Variants in CHST13 observed in about 807,000 individuals in gnomAD.
CHST13 encodes the protein carbohydrate sulfotransferase 13.
Under a neutral mutation model 7.0 loss-of-function variants are expected in CHST13, and 1 was observed. That is an observed-to-expected ratio of 0.14 (90% CI 0.05 to 0.68). The LOEUF is 0.68. Among genes scored for constraint, CHST13 ranks in the 30% least tolerant of loss-of-function variants. CHST13 has a pLI of 0.82. For synonymous variants in CHST13, 257 were observed against 240.9 expected (o/e 1.07, Z -0.62); for missense variants, 572 against 507.9 (o/e 1.13, Z -1.21).
In CHST13 at chr3:126,524,435, T is replaced by C. The variant is rs1576742190; in HGVS notation, c.97+6T>C. On this transcript the variant is annotated splice_donor_region_variant and intron_variant, in intron 1 of 2. Coordinates refer to ENST00000319340, the MANE Select transcript of CHST13 (RefSeq NM_152889.3). ...GCCCCGCTCCCTGCGCCCGGGTGAG[T>C]GCCCGCCGGCCGAGCCGCGCACCCC... 1.9e-6 allele frequency: 2 copies of C among 1,078,542 alleles called. No individual in the cohort carries two copies. The highest frequency in any genetic ancestry group is 6.6e-5 in the East Asian group (2 of 30,320). 66.8% of individuals were successfully genotyped at this position (1,078,542 alleles called of 1,614,324 possible).
chr3:126,539,617 C>T (rs1311540526), intron 2 of CHST13, among the ~76,000 whole-genome samples: 14 of 142,480 alleles, frequency 9.8e-5, no homozygotes, highest in African/African-American at 2.6e-4. Flanking sequence ...CCACACCACA[C>T]ACACAGCACA....
chr3:126,534,474 C>A (rs1333460206), intron 1 of CHST13, among the ~76,000 whole-genome samples: 1 of 151,202 alleles, frequency 6.6e-6, no homozygotes, highest in Admixed American at 6.6e-5. Context: ...AGGAGACAGA[C>A]AGACAGCATC....
chr3:126,540,218 T>C (rs924875393), intron 2 of CHST13, among the ~76,000 whole-genome samples: 3 of 152,180 alleles, frequency 2.0e-5, no homozygotes, highest in African/African-American at 7.2e-5. Flanking sequence ...AAGCCTTTTT[T>C]CTTAACTGAG....
intron 1 of CHST13, chr3:126,529,387 A>AG (rs1936603011): frequency 1.6e-6 from 2 of 1,289,130 alleles, no homozygotes; most frequent in Non-Finnish European, 2.0e-6. Flanking sequence ...GGATGCCGCA[A>AG]GGGGGGACAG....
rs977058216 is a variant in CHST13 at position 126,540,019 on chromosome 3, C to A, written c.181-1714C>A. On this transcript the variant is annotated intron_variant, in intron 2 of 2. Transcript: ENST00000319340. ...CACACACAAATGCCACACACGCATG[C>A]CACACACACGCACACCACACACCAC... Among the ~76,000 whole-genome samples the A allele has an allele frequency of 4.4e-5, 6 of 137,812 alleles. No individual in the cohort carries two copies. In the South Asian group the frequency reaches 9.5e-4, roughly 22 times the overall value. The allele number at this position is 137,812 out of a possible 152,430, so 90.4% of individuals were successfully genotyped here. A position where few individuals can be genotyped will look rare whatever the true frequency, so the allele number is the denominator to read the frequency against.
Position 126,524,363 on chromosome 3 carries a change from C to T in CHST13, c.31C>T (p.Leu11=). The part of the protein sequence containing the change: MGRRCCRRRV[L]AAACLGAALL... Reference sequence around the variant, plus strand: ...GAGGCGCTGCTGCCGGCGGCGCGTGCTGGCGGCCGCCTGTCTGGGCGCCGC... The same window carrying T: ...GAGGCGCTGCTGCCGGCGGCGCGTGTTGGCGGCCGCCTGTCTGGGCGCCGC... Residue 11 remains leucine, a synonymous_variant, in exon 1 of 3, where the codon CTG becomes TTG. Coordinates refer to ENST00000319340, the MANE Select transcript of CHST13 (RefSeq NM_152889.3). The T allele has an allele frequency of 8.1e-7, 1 of 1,236,104 alleles. No homozygotes were observed. The highest frequency in any genetic ancestry group is 1.0e-6 in the Non-Finnish European group (1 of 990,014). 76.6% of individuals were successfully genotyped at this position (1,236,104 alleles called of 1,614,324 possible).
chr3:126,539,473 GCACA>G (rs761229262), intron 2 of CHST13, among the ~76,000 whole-genome samples: 2 of 140,390 alleles, frequency 1.4e-5, no homozygotes, highest in African/African-American at 2.6e-5. Context: ...CACACACACT[GCACA>G]CACACACACA....
At chr3:126,524,457 C>T in intron 1 of CHST13, 28 bp downstream of exon 1, 1 of 883,944 alleles carries the variant, frequency 1.1e-6, no homozygotes, top group Non-Finnish European at 1.5e-6. Context: ...GAGCCGCGCA[C>T]CCCCAACCAA....
intron 1 of CHST13, among the ~76,000 whole-genome samples, chr3:126,534,970 C>CAGA (rs1374932960): frequency 1.7e-5 from 2 of 118,314 alleles, no homozygotes; most frequent in Admixed American, 8.7e-5. Flanking sequence ...CGGAGACAGA[C>CAGA]CAGCATCCCT....
intron 1 of CHST13, 75 bp downstream of exon 1, chr3:126,524,504 C>A (rs1936498672): frequency 2.1e-6 from 1 of 472,290 alleles, no homozygotes; most frequent in Non-Finnish European, 3.4e-6. Flanking sequence ...GGCCTGACCC[C>A]TCGACAGCGC....
chr3:126,535,668 GA>G, intron 1 of CHST13, among the ~76,000 whole-genome samples: 1 of 152,362 alleles, frequency 6.6e-6, no homozygotes, highest in East Asian at 1.9e-4. Context: ...GCTGGAGACA[GA>G]CAGACAGCAT....
chr3:126,541,863 C>T lies in CHST13; in HGVS notation c.311C>T (p.Ala104Val). 1 of 1,593,078 alleles carries T rather than the reference C, an allele frequency of 6.3e-7. No homozygotes were observed. Among genetic ancestry groups the T allele is most frequent in the Non-Finnish European group, 8.5e-7 (1 of 1,170,378 alleles). Residue 104 changes from alanine (A) to valine (V), a missense_variant, in exon 3 of 3, where the codon GCG becomes GTG. By Grantham distance (64) the Ala-to-Val change is moderately conservative. Transcript: ENST00000319340. ...CTGCGGCACGTGCTGGTGGACGACG[C>T]GCATGGCCTGCTCTACTGCTACGTG... Reference protein sequence around the residue: ...EDLRHVLVDDAHGLLYCYVPK... With the variant: ...EDLRHVLVDDVHGLLYCYVPK...
At chr3:126,531,219 G>C (rs1342059896) in intron 1 of CHST13, among the ~76,000 whole-genome samples, 1 of 152,242 alleles carries the variant, frequency 6.6e-6, no homozygotes, top group South Asian at 2.1e-4. Flanking sequence ...CAACCTACTG[G>C]ACCAGAAACT....
At chr3:126,536,227 G>A (rs370113692) in intron 1 of CHST13, 44 bp from the exon 2 acceptor site, 7 of 1,566,120 alleles carry the variant, frequency 4.5e-6, no homozygotes, top group South Asian at 2.2e-5. Context: ...GTCCATGCAA[G>A]TCCCTCTGAT....
chr3:126,536,882 C>T (rs1011083120), intron 2 of CHST13, among the ~76,000 whole-genome samples: 1 of 125,084 alleles, frequency 8.0e-6, no homozygotes, highest in Non-Finnish European at 1.6e-5. Context: ...CTCTCTTTCT[C>T]ACACACACAC....
At chr3:126,529,673 C>T (rs9871756) in intron 1 of CHST13, among the ~76,000 whole-genome samples, 6,827 of 152,216 alleles carry the variant, frequency 0.045, 231 homozygotes, top group African/African-American at 0.095. Flanking sequence ...TCTCTTCCTT[C>T]TCTTTCTCCC....
rs1936984856 is a variant in CHST13 at position 126,542,421 on chromosome 3, G to GGCCGCCGCGGCCCCGGGGA, written c.878_896dup (p.Ser300AlafsTer122). On this transcript the variant is annotated frameshift_variant, in exon 3 of 3. Coordinates refer to ENST00000319340, the MANE Select transcript of CHST13 (RefSeq NM_152889.3). LOFTEE classifies it low-confidence loss of function (END_TRUNC). ...GGCGCATCCGACCTGAGCTTCCCTG[G>GGCCGCCGCGGCCCCGGGGA]GCCGCCGCGGCCCCGGGGAGCCGCC... 1 of 1,550,666 alleles carries GGCCGCCGCGGCCCCGGGGA rather than the reference G, an allele frequency of 6.4e-7. No homozygotes were observed. Among genetic ancestry groups the GGCCGCCGCGGCCCCGGGGA allele is most frequent in the African/African-American group, 1.4e-5 (1 of 71,168 alleles).
Position 126,524,399 on chromosome 3 carries a change from C to T in CHST13, c.67C>T (p.Leu23=). 8.2e-7 allele frequency: 1 copy of T among 1,216,040 alleles called. No homozygotes were observed. The highest frequency in any genetic ancestry group is 1.0e-6 in the Non-Finnish European group (1 of 973,378). The allele number at this position is 1,216,040 out of a possible 1,614,324, so 75.3% of individuals were successfully genotyped here. A position where few individuals can be genotyped will look rare whatever the true frequency, so the allele number is the denominator to read the frequency against. The part of the protein sequence containing the change: ...AACLGAALLL[L]CAAPRSLRPA... ...CTGTCTGGGCGCCGCGCTCCTGCTC[C>T]TATGCGCCGCGCCCCGCTCCCTGCG... Residue 23 remains leucine (L), a synonymous_variant, in exon 1 of 3, where the codon CTA becomes TTA. Coordinates refer to ENST00000319340, the MANE Select transcript of CHST13 (RefSeq NM_152889.3).
intron 1 of CHST13, among the ~76,000 whole-genome samples, chr3:126,531,208 C>T (rs995948113): frequency 6.6e-6 from 1 of 152,232 alleles, no homozygotes; most frequent in African/African-American, 2.4e-5. Context: ...GCCCCACCCC[C>T]CAACCTACTG....
Sources: allele counts gnomAD v4.1 joint callset (sites outside exome capture counted in the v4.1 genomes callset), GRCh38; gene constraint gnomAD v4.1.1; transcripts MANE v1.5; gene names NCBI Gene and HGNC (gene_info 2026-07-23, HGNC 2026-07-21).